The following RNFT2 variants were observed in gnomAD, a reference collection of about 807,000 sequenced individuals.
RNFT2 encodes the protein ring finger protein, transmembrane 2.
RNFT2 carries 36 observed loss-of-function variants against 53.0 expected under a neutral mutation model. The ratio of observed to expected loss-of-function variants is 0.68; its 90% CI spans 0.52 to 0.90. The LOEUF is 0.90. Among genes scored for constraint, RNFT2 ranks in the 40% least tolerant of loss-of-function variants. RNFT2 has a pLI of 0.00. For synonymous variants in RNFT2, 260 were observed against 253.2 expected (o/e 1.03, Z -0.26); for missense variants, 514 against 585.6 (o/e 0.88, Z 1.26).
chr12:116,851,520 C>T lies in RNFT2; in HGVS notation c.*2072C>T, dbSNP rs1877922747. The T allele has an allele frequency of 1.9e-6, 1 of 518,882 alleles. No individual in the cohort carries two copies. Among genetic ancestry groups the T allele is most frequent in the Middle Eastern group, 5.2e-4 (1 of 1,916 alleles). The allele number at this position is 518,882 out of a possible 1,614,324, so 32.1% of individuals were successfully genotyped here. On this transcript the variant is annotated 3_prime_UTR_variant, in exon 11 of 11. Transcript: ENST00000257575. ...TTGGGAGGCTGAAGCAGGCGGGTCA[C>T]CTGAGGTCAAGAGTTCAAGACTAGC...
chr12:116,794,660 A>AGGG (rs1874406722), intron 7 of RNFT2, among the ~76,000 whole-genome samples: 1 of 12,962 alleles, frequency 7.7e-5, no homozygotes, highest in African/African-American at 1.3e-4. Flanking sequence ...GGAAGGAAGG[A>AGGG]AGGGAGGAAG....
intron 7 of RNFT2, among the ~76,000 whole-genome samples, chr12:116,783,219 G>C (rs1327456353): frequency 1.3e-5 from 2 of 152,226 alleles, no homozygotes; most frequent in Non-Finnish European, 2.9e-5. Flanking sequence ...TTTGAACTCA[G>C]GTCTGCCTTA....
intron 8 of RNFT2, 32 bp downstream of exon 8, chr12:116,833,973 T>C (rs749362874): frequency 1.3e-6 from 2 of 1,560,880 alleles, no homozygotes; most frequent in African/African-American, 2.8e-5. Flanking sequence ...AGGGCCGGCC[T>C]AAGGAGGGCC....
chr12:116,771,523 CT>C (rs1314143025), intron 6 of RNFT2, among the ~76,000 whole-genome samples: 5 of 97,046 alleles, frequency 5.2e-5, no homozygotes, highest in Non-Finnish European at 1.1e-4. Flanking sequence ...TTATTTTTTT[CT>C]TTAGAATTAT....
At chr12:116,787,204 T>C (rs1873973353) in intron 7 of RNFT2, among the ~76,000 whole-genome samples, 1 of 152,166 alleles carries the variant, frequency 6.6e-6, no homozygotes, top group Non-Finnish European at 1.5e-5. Flanking sequence ...AGAATCAAAA[T>C]GAAAATCCAA....
At chr12:116,847,934 C>T (rs1877702517) in intron 10 of RNFT2, among the ~76,000 whole-genome samples, 1 of 152,110 alleles carries the variant, frequency 6.6e-6, no homozygotes, top group African/African-American at 2.4e-5. Context: ...TTTGCTGCAC[C>T]TATCAACCCA....
chr12:116,739,211 T>G (rs1871474458), intron 1 of RNFT2, among the ~76,000 whole-genome samples: 1 of 152,158 alleles, frequency 6.6e-6, no homozygotes, highest in East Asian at 1.9e-4. Flanking sequence ...CAAGAAGATA[T>G]TCACGGAGGC....
chr12:116,754,091 G>T, intron 5 of RNFT2, 31 bp downstream of exon 5: 1 of 1,576,190 alleles, frequency 6.3e-7, no homozygotes. Context: ...GTCTCCTGTG[G>T]CTGCTGCAAC....
At chr12:116,763,494 C>T (rs1364354165) in intron 5 of RNFT2, among the ~76,000 whole-genome samples, 14 of 151,834 alleles carry the variant, frequency 9.2e-5, no homozygotes, top group Non-Finnish European at 1.3e-4. Context: ...CTAGGTGGGG[C>T]GCAGTGGCTC....
Position 116,775,037 on chromosome 12 carries a change from G to A in RNFT2, c.729-4158G>A, listed in dbSNP as rs575082161. Among the ~76,000 whole-genome samples the A allele has an allele frequency of 4.6e-5, 7 of 152,040 alleles. No homozygotes were observed. The South Asian group carries it at 1.0e-3, about 23-fold the overall frequency. ...AGCACTTTGGGAGGCTGAGGTGGGC[G>A]GATCCCCTGAGGTCAGGAGTTTGAA... On this transcript the variant is annotated intron_variant, in intron 6 of 10. Coordinates refer to ENST00000257575, the MANE Select transcript of RNFT2 (RefSeq NM_001382266.1).
intron 6 of RNFT2, among the ~76,000 whole-genome samples, chr12:116,768,736 CTTTTTT>C (rs1555260486): frequency 1.4e-5 from 2 of 142,904 alleles, no homozygotes. Context: ...TTTTCTCTCT[CTTTTTT>C]TTTTTTGAAA....
At chr12:116,759,589 A>T (rs1255742506) in intron 5 of RNFT2, among the ~76,000 whole-genome samples, 2 of 152,076 alleles carry the variant, frequency 1.3e-5, no homozygotes, top group African/African-American at 4.8e-5. Context: ...TTTCCTATGG[A>T]TGTGGCTTCC....
At chr12:116,769,869 T>TA (rs565524025) in intron 6 of RNFT2, among the ~76,000 whole-genome samples, 21 of 151,682 alleles carry the variant, frequency 1.4e-4, no homozygotes, top group South Asian at 4.2e-4. Context: ...CCGTCTCTAC[T>TA]AAAAAAAATA....
Position 116,794,600 on chromosome 12 carries a change from A to G in RNFT2, c.882+15252A>G, listed in dbSNP as rs182062360. ...GTGACAGAGTGAGACTTTGTCTCAA[A>G]AAACAAAAGAAAGGAAAGAAAGGGA... On this transcript the variant is annotated intron_variant, in intron 7 of 10. Transcript: ENST00000257575. Among the ~76,000 whole-genome samples the G allele has an allele frequency of 1.1e-3, 158 of 144,536 alleles. 1 individual carries two copies. Among genetic ancestry groups the G allele is most frequent in the African/African-American group, 3.7e-3 (147 of 39,396 alleles). The allele number at this position is 144,536 out of a possible 152,430, so 94.8% of individuals were successfully genotyped here. A position where few individuals can be genotyped will look rare whatever the true frequency, so the allele number is the denominator to read the frequency against.
intron 5 of RNFT2, among the ~76,000 whole-genome samples, chr12:116,759,540 T>C (rs1299398326): frequency 6.6e-6 from 1 of 152,204 alleles, no homozygotes; most frequent in Non-Finnish European, 1.5e-5. Context: ...GATTCTTTTG[T>C]CCCAGGGGGT....
intron 10 of RNFT2, among the ~76,000 whole-genome samples, chr12:116,843,789 C>T (rs1207720603): frequency 2.0e-5 from 3 of 152,176 alleles, no homozygotes; most frequent in African/African-American, 7.2e-5. Flanking sequence ...TGTGAGCTCC[C>T]GGAGGGCAGG....
intron 7 of RNFT2, among the ~76,000 whole-genome samples, chr12:116,809,350 C>T (rs535983291): frequency 4.6e-5 from 7 of 152,292 alleles, no homozygotes; most frequent in African/African-American, 1.2e-4. Flanking sequence ...GAGGTCCTTC[C>T]ACTTCGTTGT....
intron 2 of RNFT2, 114 bp downstream of exon 2, chr12:116,740,635 T>C: frequency 2.1e-6 from 2 of 966,064 alleles, no homozygotes; most frequent in Non-Finnish European, 1.6e-6. Context: ...ATGGGGAATC[T>C]GAACCCACAG....
chr12:116,740,424 A>T lies in RNFT2; in HGVS notation c.-74A>T. 6.9e-7 allele frequency: 1 copy of T among 1,451,344 alleles called. No individual in the cohort carries two copies. Among genetic ancestry groups the T allele is most frequent in the South Asian group, 1.2e-5 (1 of 82,112 alleles). The allele number at this position is 1,451,344 out of a possible 1,614,324, so 89.9% of individuals were successfully genotyped here. On this transcript the variant is annotated 5_prime_UTR_variant, in exon 2 of 11. Coordinates refer to ENST00000257575, the MANE Select transcript of RNFT2 (RefSeq NM_001382266.1). ...GAGGGGGAGGCCTGTCCTCTCTGGG[A>T]TCCATTGGTCACATCCCCCTGAGGA...
Sources: gnomAD v4.1 joint callset for allele counts (sites outside exome capture counted in the v4.1 genomes callset) on GRCh38, gnomAD v4.1.1 for gene constraint, MANE v1.5 for transcripts, NCBI Gene and HGNC (gene_info 2026-07-23, HGNC 2026-07-21) for gene names.